Variants in CMIP observed in about 807,000 individuals in gnomAD.
The protein encoded by CMIP is C-Maf-inducing protein.
Under a neutral mutation model 97.3 loss-of-function variants are expected in CMIP, and 13 were observed. That is an observed-to-expected ratio of 0.13 (90% CI 0.09 to 0.21). CMIP has a LOEUF of 0.21. CMIP is among the 10% of genes least tolerant of loss of function. The pLI is 1.00. For synonymous variants in CMIP, 538 were observed against 436.3 expected (o/e 1.23, Z -2.91); for missense variants, 847 against 1,024.9 (o/e 0.83, Z 2.37).
intron 1 of CMIP, among the ~76,000 whole-genome samples, chr16:81,588,534 C>T (rs117233183): frequency 0.012 from 1,797 of 152,246 alleles, 14 homozygotes; most frequent in Non-Finnish European, 0.019. Context: ...CCAGCATTGT[C>T]GGTGTGACAA....
At chr16:81,476,355 C>T in intron 1 of CMIP, 1 of 1,363,720 alleles carries the variant, frequency 7.3e-7, no homozygotes, top group African/African-American at 1.4e-5. Context: ...CTGGAATGTT[C>T]CTGTGAAAGC....
intron 1 of CMIP, among the ~76,000 whole-genome samples, chr16:81,455,505 G>A (rs1271722494): frequency 6.6e-6 from 1 of 152,222 alleles, no homozygotes; most frequent in African/African-American, 2.4e-5. Flanking sequence ...CCACTTCCTT[G>A]TAACCCCACG....
At chr16:81,598,796 A>G (rs1244942476) in intron 1 of CMIP, among the ~76,000 whole-genome samples, 1 of 151,950 alleles carries the variant, frequency 6.6e-6, no homozygotes, top group African/African-American at 2.4e-5. Flanking sequence ...GTGAAACCCC[A>G]TGTCTACTAA....
At chr16:81,457,362 A>G (rs1211782414) in intron 1 of CMIP, among the ~76,000 whole-genome samples, 1 of 152,028 alleles carries the variant, frequency 6.6e-6, no homozygotes, top group African/African-American at 2.4e-5. Flanking sequence ...GCTGACGACA[A>G]TCTTACAAAA....
At chr16:81,471,418 A>ATT (rs397761151) in intron 1 of CMIP, among the ~76,000 whole-genome samples, 1 of 152,010 alleles carries the variant, frequency 6.6e-6, no homozygotes, top group Non-Finnish European at 1.5e-5. Context: ...ATACACACAT[A>ATT]CATGTACATG....
chr16:81,553,657 G>T (rs949145804), intron 1 of CMIP, among the ~76,000 whole-genome samples: 1 of 152,220 alleles, frequency 6.6e-6, no homozygotes, highest in Non-Finnish European at 1.5e-5. Context: ...GGCTGGGCGT[G>T]CTCCGCCAGC....
At chr16:81,587,537 A>G (rs2150913612) in intron 1 of CMIP, among the ~76,000 whole-genome samples, 1 of 152,298 alleles carries the variant, frequency 6.6e-6, no homozygotes, top group South Asian at 2.1e-4. Flanking sequence ...ATCACGGTAA[A>G]GCTTTGAGGT....
chr16:81,691,846 TC>T lies in CMIP; in HGVS notation c.1454+9del. The T allele has an allele frequency of 6.2e-7, 1 of 1,612,756 alleles. No homozygotes were observed. The highest frequency in any genetic ancestry group is 8.5e-7 in the Non-Finnish European group (1 of 1,178,878). On this transcript the variant is annotated splice_region_variant and intron_variant, in intron 11 of 20. Transcript: ENST00000537098. ...CCCATTCCATTCCCCAAAGAGTAAG[TC>T]CCGTGTGCATCCCCGGAGCCCTCCC... is the stretch of plus-strand genomic sequence containing the variant.
chr16:81,677,907 A>G (rs549826135), intron 9 of CMIP, among the ~76,000 whole-genome samples: 1 of 152,370 alleles, frequency 6.6e-6, no homozygotes, highest in East Asian at 1.9e-4. Flanking sequence ...TTGGCTTATC[A>G]AGAAAGTGGC....
chr16:81,463,159 G>A (rs1567528154), intron 1 of CMIP, among the ~76,000 whole-genome samples: 1 of 152,172 alleles, frequency 6.6e-6, no homozygotes, highest in Non-Finnish European at 1.5e-5. Flanking sequence ...GCAATGGTAA[G>A]CAAGCACCAC....
At chr16:81,563,060 C>A (rs1294833819) in intron 1 of CMIP, among the ~76,000 whole-genome samples, 1 of 152,188 alleles carries the variant, frequency 6.6e-6, no homozygotes, top group African/African-American at 2.4e-5. Context: ...CCTGGCAAGG[C>A]GCTGACCCGC....
intron 1 of CMIP, among the ~76,000 whole-genome samples, chr16:81,455,857 C>G (rs1906514777): frequency 6.6e-6 from 1 of 152,222 alleles, no homozygotes; most frequent in South Asian, 2.1e-4. Context: ...TGGGAAGGCC[C>G]TGCCTAGGCC....
At chr16:81,697,398 AG>A (rs34094594) in intron 14 of CMIP, 1 of 152,250 alleles carries the variant, frequency 6.6e-6, no homozygotes, top group Admixed American at 6.5e-5. Context: ...TTCCTCCCCC[AG>A]GGCAGATGCT....
intron 3 of CMIP, among the ~76,000 whole-genome samples, chr16:81,650,739 T>G (rs907140324): frequency 6.6e-6 from 1 of 152,070 alleles, no homozygotes; most frequent in Non-Finnish European, 1.5e-5. Flanking sequence ...CTCCATAGAG[T>G]GGACCACATG....
intron 9 of CMIP, among the ~76,000 whole-genome samples, chr16:81,676,695 G>T (rs912588662): frequency 1.3e-5 from 2 of 152,154 alleles, no homozygotes; most frequent in South Asian, 2.1e-4. Context: ...ACCCTTGGTG[G>T]GCTCAGCTCA....
chr16:81,457,230 T>C (rs917921381), intron 1 of CMIP, among the ~76,000 whole-genome samples: 8 of 152,050 alleles, frequency 5.3e-5, no homozygotes, highest in African/African-American at 1.9e-4. Context: ...GAGCCAGGGC[T>C]TGCTCCCCTG....
At chr16:81,546,483 G>A (rs12448684) in intron 1 of CMIP, among the ~76,000 whole-genome samples, 59,722 of 151,972 alleles carry the variant, frequency 0.39, 13,127 homozygotes, top group Non-Finnish European at 0.49. Flanking sequence ...AAGGAGAAGA[G>A]GCTCTCAGTT....
chr16:81,682,257 A>T (rs1904946029), intron 10 of CMIP, among the ~76,000 whole-genome samples: 1 of 151,324 alleles, frequency 6.6e-6, no homozygotes, highest in Admixed American at 6.6e-5. Flanking sequence ...CCCAAATGGG[A>T]GTTACACATA....
chr16:81,445,779 C>T (rs1905795017), intron 1 of CMIP, among the ~76,000 whole-genome samples: 1 of 151,998 alleles, frequency 6.6e-6, no homozygotes, highest in Non-Finnish European at 1.5e-5. Context: ...GCTGGAGACT[C>T]GGCCCACCGC....
Sources: allele counts gnomAD v4.1 joint callset (sites outside exome capture counted in the v4.1 genomes callset), GRCh38; gene constraint gnomAD v4.1.1; transcripts MANE v1.5; gene names NCBI Gene and HGNC (gene_info 2026-07-23, HGNC 2026-07-21).